The following ARHGAP44 variants were observed in gnomAD, a reference collection of about 807,000 sequenced individuals.
ARHGAP44 encodes Rho GTPase activating protein 44.
ARHGAP44 carries 43 observed loss-of-function variants against 106.8 expected under a neutral mutation model. The observed-to-expected ratio is 0.40, with a 90% CI of 0.32 to 0.52. ARHGAP44 has a LOEUF of 0.52. ARHGAP44 is among the 20% of genes least tolerant of loss of function. The probability of loss-of-function intolerance (pLI) is 0.48; values close to 1 mark genes in which losing one functional copy is unlikely to be tolerated. For synonymous variants in ARHGAP44, 439 were observed against 410.3 expected, an observed-to-expected ratio of 1.07 and a Z score of -0.85; for missense variants, 866 against 1,050.5, an observed-to-expected ratio of 0.82 and a Z score of 2.43.
intron 1 of ARHGAP44, among the ~76,000 whole-genome samples, chr17:12,861,652 T>TA (rs2036081715): frequency 5.2e-4 from 8 of 15,426 alleles, no homozygotes; most frequent in African/African-American, 1.4e-3. Flanking sequence ...CACTTTTTTT[T>TA]TTTTTTGAGA....
chr17:12,963,389 GA>G lies in ARHGAP44; in HGVS notation c.1523+4495del, dbSNP rs1362354672. ...TTGGAGCCCAGTACCATCCTACATGGAAATCCAAGCAGCTCCTTGGAGAGAA... is the reference window on the plus strand; with the variant it reads ...TTGGAGCCCAGTACCATCCTACATGGAATCCAAGCAGCTCCTTGGAGAGAA... On this transcript the variant is annotated intron_variant, in intron 16 of 20. Transcript: ENST00000379672. Among the ~76,000 whole-genome samples, 3 of 152,166 alleles carry G rather than the reference GA, an allele frequency of 2.0e-5. No individual in the cohort carries two copies. In the South Asian group the frequency reaches 6.2e-4, roughly 32 times the overall value.
At chr17:12,828,758 C>T (rs1484011390) in intron 1 of ARHGAP44, among the ~76,000 whole-genome samples, 2 of 151,246 alleles carry the variant, frequency 1.3e-5, no homozygotes, top group Non-Finnish European at 2.9e-5. Flanking sequence ...TCTCCTGCCT[C>T]AGCCTGCTGA....
chr17:12,917,820 C>T (rs551771190), intron 5 of ARHGAP44, among the ~76,000 whole-genome samples: 18 of 152,082 alleles, frequency 1.2e-4, no homozygotes, highest in Admixed American at 2.6e-4. Context: ...CTTTAATTTT[C>T]GTTAATTTAA....
At chr17:12,972,519 G>T (rs1255544050) in intron 16 of ARHGAP44, among the ~76,000 whole-genome samples, 1 of 151,640 alleles carries the variant, frequency 6.6e-6, no homozygotes, top group Admixed American at 6.6e-5. Flanking sequence ...GTGGTGGCGG[G>T]TGCCTGTAAT....
chr17:12,851,051 G>A (rs1007729738), intron 1 of ARHGAP44, among the ~76,000 whole-genome samples: 9 of 152,296 alleles, frequency 5.9e-5, no homozygotes, highest in Admixed American at 2.6e-4. Flanking sequence ...TGTAGAGTCC[G>A]TTTCAGCTTT....
At chr17:12,966,609 G>T (rs2039398083) in intron 16 of ARHGAP44, among the ~76,000 whole-genome samples, 1 of 152,126 alleles carries the variant, frequency 6.6e-6, no homozygotes, top group Admixed American at 6.5e-5. Flanking sequence ...TGACCCTGTG[G>T]CTCCCTGCCA....
intron 12 of ARHGAP44, among the ~76,000 whole-genome samples, chr17:12,951,014 A>G (rs1245553031): frequency 6.6e-6 from 1 of 152,166 alleles, no homozygotes; most frequent in Non-Finnish European, 1.5e-5. Context: ...TAGAGTGAGA[A>G]AAGCCAACTC....
chr17:12,887,404 C>G (rs1198437113), intron 1 of ARHGAP44, among the ~76,000 whole-genome samples: 1 of 151,970 alleles, frequency 6.6e-6, no homozygotes, highest in Non-Finnish European at 1.5e-5. Flanking sequence ...AATTTTTTCT[C>G]TCTCTCCTTT....
chr17:12,814,235 GTTTTTTTTTTT>G (rs773171329), intron 1 of ARHGAP44, among the ~76,000 whole-genome samples: 2 of 87,270 alleles, frequency 2.3e-5, no homozygotes, highest in African/African-American at 9.8e-5. Context: ...CCAAACTGGT[GTTTTTTTTTTT>G]TTTTTTTTTT....
intron 1 of ARHGAP44, among the ~76,000 whole-genome samples, chr17:12,863,744 T>C (rs2036158078): frequency 1.3e-5 from 2 of 152,220 alleles, no homozygotes; most frequent in South Asian, 4.1e-4. Context: ...GCTATTCTTA[T>C]CTAATGCTCT....
intron 20 of ARHGAP44, chr17:12,987,430 G>A: frequency 2.7e-6 from 1 of 376,082 alleles, no homozygotes; most frequent in Non-Finnish European, 4.9e-6. Context: ...AATCACATCT[G>A]CAGCTCCTCC....
At chr17:12,886,832 T>A (rs1197456405) in intron 1 of ARHGAP44, among the ~76,000 whole-genome samples, 1 of 152,190 alleles carries the variant, frequency 6.6e-6, no homozygotes, top group Middle Eastern at 3.4e-3. Flanking sequence ...GATGAATGAG[T>A]GGTAGGAGCA....
At position 12,920,617 on chromosome 17, in the gene ARHGAP44, G is replaced by A. The variant is rs377188173; in HGVS notation, c.464+786G>A. On this transcript the variant is annotated intron_variant, in intron 6 of 20. Coordinates refer to ENST00000379672, the MANE Select transcript of ARHGAP44 (RefSeq NM_014859.6). ...GAAGGAAGGTCGGCATGGCTGGGGC[G>A]GAAGGAGCAAAGGGAAGAGAAGTAG... Among the ~76,000 whole-genome samples, 9 of 152,222 alleles carry A rather than the reference G, an allele frequency of 5.9e-5. No individual in the cohort carries two copies. The East Asian group carries it at 9.7e-4, about 16-fold the overall frequency.
Position 12,973,871 on chromosome 17 carries a change from C to T in ARHGAP44, c.1542-218C>T, listed in dbSNP as rs532080645. 44 of 593,088 alleles carry T rather than the reference C, an allele frequency of 7.4e-5. No individual in the cohort carries two copies. In the African/African-American group the frequency reaches 7.6e-4, roughly 10 times the overall value. The allele number at this position is 593,088 out of a possible 1,614,324, so 36.7% of individuals were successfully genotyped here. On this transcript the variant is annotated intron_variant, in intron 17 of 20. Transcript: ENST00000379672. ...GCTCCTTGCCTCAGTGAGGGGGCCG[C>T]TCTTGCCAGGACTGGGCTGCCCAGG... is the stretch of plus-strand genomic sequence containing the variant.
rs1351098920 is a variant in ARHGAP44 at position 12,991,373 on chromosome 17, CCATT to C, written c.*1205_*1208del. On this transcript the variant is annotated 3_prime_UTR_variant, in exon 21 of 21. Coordinates refer to ENST00000379672, the MANE Select transcript of ARHGAP44 (RefSeq NM_014859.6). ...TCTCTCTATATTTGTTTAATTTGAGCCATTCAATCTAAACCAATGTACAGGTGTA... is the reference window on the plus strand; with the variant it reads ...TCTCTCTATATTTGTTTAATTTGAGCCAATCTAAACCAATGTACAGGTGTA... 6.4e-6 allele frequency: 1 copy of C among 155,372 alleles called. No homozygotes were observed. Among genetic ancestry groups the C allele is most frequent in the East Asian group, 1.8e-4 (1 of 5,684 alleles). The allele number at this position is 155,372 out of a possible 1,614,324, so 9.6% of individuals were successfully genotyped here.
intron 1 of ARHGAP44, among the ~76,000 whole-genome samples, chr17:12,848,033 A>G (rs1597932322): frequency 2.0e-5 from 3 of 152,180 alleles, no homozygotes; most frequent in Non-Finnish European, 4.4e-5. Flanking sequence ...AGGAAAACAC[A>G]TTTCTCTTTG....
chr17:12,918,605 A>G (rs951631436), intron 5 of ARHGAP44, among the ~76,000 whole-genome samples: 2 of 152,194 alleles, frequency 1.3e-5, no homozygotes, highest in African/African-American at 4.8e-5. Context: ...TTGACTGGAA[A>G]AGTCTTACTT....
chr17:12,930,185 C>T (rs1255374675), intron 7 of ARHGAP44, among the ~76,000 whole-genome samples: 1 of 152,102 alleles, frequency 6.6e-6, no homozygotes, highest in Non-Finnish European at 1.5e-5. Flanking sequence ...ACTCTTCTCT[C>T]CTTCCAATTT....
At chr17:12,902,501 A>G (rs2037402413) in intron 3 of ARHGAP44, among the ~76,000 whole-genome samples, 1 of 152,122 alleles carries the variant, frequency 6.6e-6, no homozygotes, top group Non-Finnish European at 1.5e-5. Context: ...TTGTGATGGG[A>G]GCAGGGATCT....
Sources: allele counts gnomAD v4.1 joint callset (sites outside exome capture counted in the v4.1 genomes callset), GRCh38; gene constraint gnomAD v4.1.1; transcripts MANE v1.5; gene names NCBI Gene and HGNC (gene_info 2026-07-23, HGNC 2026-07-21).